Variants in SPATS2L observed in about 807,000 individuals in gnomAD.
SPATS2L encodes SPATS2-like protein.
SPATS2L carries 30 observed loss-of-function variants against 59.6 expected under a neutral mutation model. That is an observed-to-expected ratio of 0.50 (90% CI 0.38 to 0.68). The LOEUF (loss-of-function observed/expected upper bound fraction) is 0.68. SPATS2L is among the 30% of genes least tolerant of loss of function. The pLI is 0.00. For missense variants in SPATS2L, 615 were observed against 700.0 expected (o/e 0.88, Z 1.37); for synonymous variants, 252 against 263.5 (o/e 0.96, Z 0.42).
chr2:200,437,839 A>G (rs2084404869), intron 6 of SPATS2L, among the ~76,000 whole-genome samples: 1 of 152,040 alleles, frequency 6.6e-6, no homozygotes, highest in African/African-American at 2.4e-5. Flanking sequence ...ATTCCTTTGT[A>G]TTTTTTCAAG....
chr2:200,381,225 G>A (rs987006609), intron 2 of SPATS2L, among the ~76,000 whole-genome samples: 1 of 152,184 alleles, frequency 6.6e-6, no homozygotes, highest in African/African-American at 2.4e-5. Context: ...GGCCCTGGAT[G>A]GTTAGTCTCT....
Position 200,350,477 on chromosome 2 carries a change from T to G in SPATS2L, c.-23+20997T>G, listed in dbSNP as rs114795442. On this transcript the variant is annotated intron_variant, in intron 2 of 12. Coordinates refer to ENST00000409140, the MANE Select transcript of SPATS2L (RefSeq NM_001100423.2). ...GTTAATAGCCATTTTAAAAAATATATTATTTAAATTTTTCTCTCAATGCAA... is the reference window on the plus strand; with the variant it reads ...GTTAATAGCCATTTTAAAAAATATAGTATTTAAATTTTTCTCTCAATGCAA... Among the ~76,000 whole-genome samples, 1,383 of 152,202 alleles carry G rather than the reference T, an allele frequency of 9.1e-3. 20 individuals carry two copies. The highest frequency in any genetic ancestry group is 0.032 in the African/African-American group (1,322 of 41,536).
intron 4 of SPATS2L, among the ~76,000 whole-genome samples, chr2:200,413,799 A>G (rs2082966287): frequency 6.6e-6 from 1 of 152,226 alleles, no homozygotes; most frequent in Admixed American, 6.5e-5. Context: ...GAATTAGCAA[A>G]TGATTATCAT....
intron 2 of SPATS2L, among the ~76,000 whole-genome samples, chr2:200,340,255 G>A (rs937531399): frequency 5.3e-5 from 8 of 152,138 alleles, no homozygotes; most frequent in Admixed American, 1.3e-4. Flanking sequence ...TACTCTTGCT[G>A]CTTTGATGTC....
chr2:200,368,071 A>G (rs1246930938), intron 2 of SPATS2L, among the ~76,000 whole-genome samples: 1 of 152,244 alleles, frequency 6.6e-6, no homozygotes, highest in Non-Finnish European at 1.5e-5. Context: ...GTAACAGAGC[A>G]GAAACAGAAG....
At position 200,440,749 on chromosome 2, in the gene SPATS2L, G is replaced by A; in HGVS notation, c.753G>A (p.Lys251=). 1 of 1,613,642 alleles carries A rather than the reference G, an allele frequency of 6.2e-7. No individual in the cohort carries two copies. The highest frequency in any genetic ancestry group is 2.2e-5 in the East Asian group (1 of 44,868). ...MIKEEVDSSV[K]KIKAAFAELH... is the part of the protein sequence containing the mutation. The stretch of plus-strand genomic sequence containing the variant: ...AGGAAGAAGTGGATAGTTCCGTGAA[G>A]AAGATCAAAGCTGCCTTTGCTGAAT... Residue 251 remains lysine, a synonymous_variant, in exon 8 of 13, where the codon AAG becomes AAA. Transcript: ENST00000409140.
intron 8 of SPATS2L, among the ~76,000 whole-genome samples, chr2:200,449,683 A>G (rs550866938): frequency 1.3e-5 from 2 of 152,356 alleles, no homozygotes; most frequent in African/African-American, 4.8e-5. Flanking sequence ...TTTAAAAAAT[A>G]TATATGCAAT....
At chr2:200,382,197 C>T (rs2081838794) in intron 2 of SPATS2L, among the ~76,000 whole-genome samples, 1 of 152,128 alleles carries the variant, frequency 6.6e-6, no homozygotes, top group Admixed American at 6.5e-5. Context: ...CCATCCCCCT[C>T]CCCAGTACCT....
At chr2:200,427,203 T>C (rs1034154569) in intron 6 of SPATS2L, among the ~76,000 whole-genome samples, 3 of 152,150 alleles carry the variant, frequency 2.0e-5, no homozygotes, top group African/African-American at 7.2e-5. Flanking sequence ...TTTCTTAAGA[T>C]TTTTGAACAA....
rs560508031 is a variant in SPATS2L, at chr2:200,417,757, G to A, written c.198+1329G>A. 2.0e-5 allele frequency among the ~76,000 whole-genome samples: 3 copies of A among 152,326 alleles called. No homozygotes were observed. The East Asian group carries it at 5.8e-4, about 29-fold the overall frequency. On this transcript the variant is annotated intron_variant, in intron 5 of 12. Coordinates refer to ENST00000409140, the MANE Select transcript of SPATS2L (RefSeq NM_001100423.2). ...ATGATTGTGGTTCCAAAGGAAAAAA[G>A]CAGGGAGGAGAATTGAGAAGAAAAA... is the stretch of plus-strand genomic sequence containing the variant.
chr2:200,310,528 C>T (rs1214436737), intron 1 of SPATS2L, among the ~76,000 whole-genome samples: 6 of 152,258 alleles, frequency 3.9e-5, no homozygotes, highest in East Asian at 3.9e-4. Context: ...GCACTTCCAC[C>T]GTATCAACCT....
chr2:200,436,864 T>C (rs542109197), intron 6 of SPATS2L, among the ~76,000 whole-genome samples: 3 of 152,282 alleles, frequency 2.0e-5, no homozygotes, highest in East Asian at 1.9e-4. Context: ...TAAGGCCCAG[T>C]GGGAGGTGAT....
chr2:200,411,105 C>A (rs2082862783), intron 3 of SPATS2L, among the ~76,000 whole-genome samples: 1 of 151,196 alleles, frequency 6.6e-6, no homozygotes, highest in East Asian at 1.9e-4. Flanking sequence ...GATTCAAAAC[C>A]ACCTTTCTAA....
At chr2:200,430,276 G>GT (rs1488177736) in intron 6 of SPATS2L, among the ~76,000 whole-genome samples, 1 of 152,110 alleles carries the variant, frequency 6.6e-6, no homozygotes. Context: ...AGAAGTGTAG[G>GT]TTAATTAAAT....
intron 1 of SPATS2L, among the ~76,000 whole-genome samples, chr2:200,307,579 G>A (rs1473720848): frequency 6.6e-6 from 1 of 152,170 alleles, no homozygotes; most frequent in Non-Finnish European, 1.5e-5. Flanking sequence ...TTGGGCGGGG[G>A]GACCCCGGAG....
At chr2:200,306,494 A>T, upstream of SPATS2L, 1 of 1,002,196 alleles carries the variant, frequency 1.0e-6, no homozygotes, top group Non-Finnish European at 1.2e-6. Flanking sequence ...GAGGGACGAG[A>T]TCTGTGTCAG....
In SPATS2L at chr2:200,325,337, C is replaced by T. The variant is rs570620182; in HGVS notation, c.-72-4094C>T. Among the ~76,000 whole-genome samples the T allele has an allele frequency of 1.5e-3, 222 of 152,254 alleles. 1 individual carries two copies. Among genetic ancestry groups the T allele is most frequent in the South Asian group, 4.4e-3 (21 of 4,818 alleles). On this transcript the variant is annotated intron_variant, in intron 1 of 12. Transcript: ENST00000409140. The stretch of plus-strand genomic sequence containing the variant: ...GAGCAGGTACATGTGAGCAAAGTGG[C>T]AGGTACAGCTGAATCCAAGATTCTT...
At chr2:200,432,927 C>T (rs1289395501) in intron 6 of SPATS2L, among the ~76,000 whole-genome samples, 1 of 152,046 alleles carries the variant, frequency 6.6e-6, no homozygotes, top group African/African-American at 2.4e-5. Flanking sequence ...AAAGCCAGAG[C>T]CTCAGTGACT....
In SPATS2L at chr2:200,306,793, A is replaced by G. The variant is rs913027511; in HGVS notation, c.-202A>G. The stretch of plus-strand genomic sequence containing the variant: ...GCGAGCTCCGGACGGCGCGCGGCCC[A>G]GGCAGCGGCTCCCGCTCGGCCCGCC... On this transcript the variant is annotated 5_prime_UTR_variant, in exon 1 of 13. Coordinates refer to ENST00000409140, the MANE Select transcript of SPATS2L (RefSeq NM_001100423.2). 5.6e-5 allele frequency: 55 copies of G among 980,930 alleles called. No individual in the cohort carries two copies. Among genetic ancestry groups the G allele is most frequent in the Non-Finnish European group, 3.6e-6 (3 of 827,972 alleles). 60.8% of individuals were successfully genotyped at this position (980,930 alleles called of 1,614,324 possible). A position where few individuals can be genotyped will look rare whatever the true frequency, so the allele number is the denominator to read the frequency against.
Sources: gnomAD v4.1 joint callset for allele counts (sites outside exome capture counted in the v4.1 genomes callset) on GRCh38, gnomAD v4.1.1 for gene constraint, MANE v1.5 for transcripts, NCBI Gene and HGNC (gene_info 2026-07-23, HGNC 2026-07-21) for gene names.